PTPRR: variants seen among roughly 807,000 people sequenced by gnomAD.
PTPRR encodes the protein receptor-type tyrosine-protein phosphatase R.
PTPRR carries 38 observed loss-of-function variants against 77.2 expected under a neutral mutation model. That is an observed-to-expected ratio of 0.49 (90% confidence interval 0.38 to 0.65). PTPRR has a LOEUF of 0.65. Among genes scored for constraint, PTPRR ranks in the 30% least tolerant of loss-of-function variants. PTPRR has a pLI of 0.00. For synonymous variants in PTPRR, 299 were observed against 283.1 expected (o/e 1.06, Z -0.57); for missense variants, 744 against 799.2 (o/e 0.93, Z 0.83).
intron 13 of PTPRR, among the ~76,000 whole-genome samples, chr12:70,651,901 TA>T (rs34627900): frequency 8.2e-4 from 121 of 147,464 alleles, no homozygotes; most frequent in Admixed American, 1.3e-3. Flanking sequence ...GGTTCCTCAT[TA>T]AAAAAAAAAA....
At chr12:70,699,663 T>A (rs1441160795) in intron 7 of PTPRR, among the ~76,000 whole-genome samples, 1 of 152,224 alleles carries the variant, frequency 6.6e-6, no homozygotes, top group Non-Finnish European at 1.5e-5. Flanking sequence ...TTATGCTAGC[T>A]ATCCATGATA....
chr12:70,915,115 A>C (rs1213020055), intron 1 of PTPRR, among the ~76,000 whole-genome samples: 2 of 152,194 alleles, frequency 1.3e-5, no homozygotes, highest in African/African-American at 2.4e-5. Context: ...GAGAAATAAG[A>C]GGGAAGCTAG....
chr12:70,665,464 C>G (rs1886955868), intron 10 of PTPRR, among the ~76,000 whole-genome samples: 3 of 142,432 alleles, frequency 2.1e-5, no homozygotes, highest in Non-Finnish European at 3.0e-5. Context: ...TTACTGCAAC[C>G]TCCACCTCCC....
In PTPRR at chr12:70,669,559, TACACACAC is replaced by T. The variant is rs566522694; in HGVS notation, c.1498-6962_1498-6955del. On this transcript the variant is annotated intron_variant, in intron 10 of 13. Transcript: ENST00000283228. ...ACACAAGCCATATATATATATGTTATACACACACACACACACACACACACACACAAGCT... is the reference window on the plus strand; with the variant it reads ...ACACAAGCCATATATATATATGTTATACACACACACACACACACACAAGCT... Among the ~76,000 whole-genome samples the T allele has an allele frequency of 9.9e-5, 14 of 141,780 alleles. No homozygotes were observed. The East Asian group carries it at 2.4e-3, about 25-fold the overall frequency. The allele number at this position is 141,780 out of a possible 152,430, so 93.0% of individuals were successfully genotyped here.
At chr12:70,811,401 A>G (rs1360411458) in intron 2 of PTPRR, among the ~76,000 whole-genome samples, 26 of 152,224 alleles carry the variant, frequency 1.7e-4, no homozygotes. Flanking sequence ...TAAATAGGTG[A>G]AAGTATGCAT....
At chr12:70,725,970 A>G (rs1021225455) in intron 6 of PTPRR, among the ~76,000 whole-genome samples, 1 of 152,050 alleles carries the variant, frequency 6.6e-6, no homozygotes, top group African/African-American at 2.4e-5. Flanking sequence ...TAGTAAAATC[A>G]TTGTCAATAC....
chr12:70,896,193 A>G (rs926789170), intron 1 of PTPRR, among the ~76,000 whole-genome samples: 1 of 151,742 alleles, frequency 6.6e-6, no homozygotes, highest in Non-Finnish European at 1.5e-5. Flanking sequence ...TAATATTCCT[A>G]AATATATATG....
At chr12:70,815,972 T>A (rs1891895905) in intron 2 of PTPRR, among the ~76,000 whole-genome samples, 1 of 152,092 alleles carries the variant, frequency 6.6e-6, no homozygotes, top group South Asian at 2.1e-4. Flanking sequence ...CATATTGCGA[T>A]GAACATGAAA....
chr12:70,663,210 G>A (rs903839874), intron 10 of PTPRR, among the ~76,000 whole-genome samples: 3 of 152,090 alleles, frequency 2.0e-5, no homozygotes, highest in African/African-American at 4.8e-5. Flanking sequence ...CAAAAATTAC[G>A]TTAAAAATAT....
intron 6 of PTPRR, among the ~76,000 whole-genome samples, chr12:70,730,380 G>A (rs1027697338): frequency 1.1e-4 from 16 of 152,050 alleles, no homozygotes; most frequent in African/African-American, 2.2e-4. Context: ...GCATGGTGAC[G>A]GGCACCTGTA....
At position 70,741,569 on chromosome 12, in the gene PTPRR, G is replaced by A. The variant is rs924822314; in HGVS notation, c.1007+4249C>T. Reference sequence around the variant, plus strand: ...TTATTGCATTTGAAGAAATCTGAGAGCAGAAAGCAGGGAAATTTGAGTCCT... The same window carrying A: ...TTATTGCATTTGAAGAAATCTGAGAACAGAAAGCAGGGAAATTTGAGTCCT... On this transcript the variant is annotated intron_variant, in intron 6 of 13. Transcript: ENST00000283228. Among the ~76,000 whole-genome samples, 10 of 152,108 alleles carry A rather than the reference G, an allele frequency of 6.6e-5. 1 individual carries two copies. In the East Asian group the frequency reaches 9.6e-4, roughly 15 times the overall value.
chr12:70,906,133 G>A (rs1327676457), intron 1 of PTPRR, among the ~76,000 whole-genome samples: 1 of 151,926 alleles, frequency 6.6e-6, no homozygotes, highest in Non-Finnish European at 1.5e-5. Context: ...AAAGAATTAA[G>A]AAATAAAGGA....
intron 2 of PTPRR, among the ~76,000 whole-genome samples, chr12:70,842,520 A>G (rs922556900): frequency 2.6e-5 from 4 of 152,180 alleles, no homozygotes; most frequent in African/African-American, 9.6e-5. Context: ...CCTCCCCCCA[A>G]AAATGGAGAA....
At chr12:70,849,190 C>A (rs148327096) in intron 2 of PTPRR, among the ~76,000 whole-genome samples, 98 of 152,082 alleles carry the variant, frequency 6.4e-4, no homozygotes, top group African/African-American at 2.2e-3. Context: ...ATGACTATTT[C>A]CAAAGGTAGA....
At chr12:70,658,027 G>A (rs1429244111) in intron 12 of PTPRR, among the ~76,000 whole-genome samples, 1 of 152,102 alleles carries the variant, frequency 6.6e-6, no homozygotes, top group Non-Finnish European at 1.5e-5. Context: ...ACCTATAGAT[G>A]GCTCCATTAA....
At chr12:70,651,345 C>T (rs1399597984) in intron 13 of PTPRR, among the ~76,000 whole-genome samples, 1 of 152,226 alleles carries the variant, frequency 6.6e-6, no homozygotes, top group Non-Finnish European at 1.5e-5. Flanking sequence ...CATCTCCCAT[C>T]TCCAGATTCA....
chr12:70,901,768 A>AAGTCCCAACT, intron 1 of PTPRR, among the ~76,000 whole-genome samples: 2 of 151,812 alleles, frequency 1.3e-5, no homozygotes, highest in East Asian at 3.9e-4. Flanking sequence ...CTTAATCATT[A>AAGTCCCAACT]ATTTAATTAT....
chr12:70,857,278 C>T (rs780304693), intron 2 of PTPRR, among the ~76,000 whole-genome samples: 11 of 152,162 alleles, frequency 7.2e-5, no homozygotes, highest in South Asian at 4.1e-4. Flanking sequence ...TAGGAAAGGC[C>T]GGAGAATATA....
intron 13 of PTPRR, among the ~76,000 whole-genome samples, chr12:70,655,252 G>A (rs2136661180): frequency 2.0e-5 from 3 of 152,348 alleles, no homozygotes; most frequent in East Asian, 3.9e-4. Context: ...TAAAATGTCA[G>A]TGAAGTTGTG....
Sources: gnomAD v4.1 joint callset for allele counts (sites outside exome capture counted in the v4.1 genomes callset) on GRCh38, gnomAD v4.1.1 for gene constraint, MANE v1.5 for transcripts, NCBI Gene and HGNC (gene_info 2026-07-23, HGNC 2026-07-21) for gene names.